MRC2: variants seen among roughly 807,000 people sequenced by gnomAD.
MRC2 encodes C-type mannose receptor 2.
In MRC2, 84 loss-of-function variants were observed where a neutral mutation model predicts 206.2. The ratio of observed to expected loss-of-function variants is 0.41; its 90% CI spans 0.34 to 0.49. MRC2 has a LOEUF of 0.49. Among genes scored for constraint, MRC2 ranks in the 20% least tolerant of loss-of-function variants. The probability of loss-of-function intolerance (pLI) is 0.31; values close to 1 mark genes in which losing one functional copy is unlikely to be tolerated. For synonymous variants in MRC2, 798 were observed against 800.0 expected (o/e 1.00, Z 0.04); for missense variants, 1,676 against 2,001.5 (o/e 0.84, Z 3.10).
At position 62,675,020 on chromosome 17, in the gene MRC2, G is replaced by A. The variant is rs1380830377; in HGVS notation, c.1570-770G>A. Reference sequence around the variant, plus strand: ...TGGCCCCATGGGCGAGGAAGCAGAGGGGAGAGCAGAGCCCAGCTGCGGAGT... The same window carrying A: ...TGGCCCCATGGGCGAGGAAGCAGAGAGGAGAGCAGAGCCCAGCTGCGGAGT... On this transcript the variant is annotated intron_variant, in intron 9 of 29. Coordinates refer to ENST00000303375, the MANE Select transcript of MRC2 (RefSeq NM_006039.5). This position sits in a 1 kb window ranked among gnomAD's most constrained non-coding sequence, Gnocchi z 4.1. Among the ~76,000 whole-genome samples, 2 of 152,194 alleles carry A rather than the reference G, an allele frequency of 1.3e-5. No individual in the cohort carries two copies.
Position 62,689,778 on chromosome 17 carries a change from T to C in MRC2, c.3573+18T>C. The stretch of plus-strand genomic sequence containing the variant: ...GCGAGGAGGTGGGCTCCCGACACTT[T>C]TGCCCTGGGCCCCAGCCTTGCCCGG... On this transcript the variant is annotated intron_variant, in intron 24 of 29. Coordinates refer to ENST00000303375, the MANE Select transcript of MRC2 (RefSeq NM_006039.5). 1 of 1,534,428 alleles carries C rather than the reference T, an allele frequency of 6.5e-7. No homozygotes were observed. Among genetic ancestry groups the C allele is most frequent in the Non-Finnish European group, 8.8e-7 (1 of 1,139,804 alleles).
intron 1 of MRC2, among the ~76,000 whole-genome samples, chr17:62,632,822 A>T (rs1374436073): frequency 6.6e-6 from 1 of 152,178 alleles, no homozygotes; most frequent in Non-Finnish European, 1.5e-5. Flanking sequence ...AGGAGGGCAC[A>T]TGTAGGGAAC....
intron 2 of MRC2, among the ~76,000 whole-genome samples, chr17:62,665,690 T>TG (rs1217512054): frequency 1.3e-5 from 2 of 152,112 alleles, no homozygotes; most frequent in African/African-American, 2.4e-5. Context: ...AGCCCCGTCC[T>TG]GGGGGGGCCT....
rs750111045 is a variant in MRC2, at chr17:62,667,343, T to A, written c.974-47T>A. Reference sequence around the variant, plus strand: ...CTGAGCAGGGCCCCGGGAGCCACGGTGTGAGCTTCTCTCTCCGGGGGTGCT... The same window carrying A: ...CTGAGCAGGGCCCCGGGAGCCACGGAGTGAGCTTCTCTCTCCGGGGGTGCT... On this transcript the variant is annotated intron_variant, in intron 5 of 29. Coordinates refer to ENST00000303375, the MANE Select transcript of MRC2 (RefSeq NM_006039.5). This position sits in a 1 kb window ranked among gnomAD's most constrained non-coding sequence, Gnocchi z 4.1. 6.5e-7 allele frequency: 1 copy of A among 1,542,490 alleles called. No homozygotes were observed. Among genetic ancestry groups the A allele is most frequent in the Non-Finnish European group, 8.7e-7 (1 of 1,145,888 alleles).
rs752481320 is a variant in MRC2 at position 62,680,466 on chromosome 17, CA to C, written c.2473+14del. On this transcript the variant is annotated intron_variant, in intron 16 of 29. Coordinates refer to ENST00000303375, the MANE Select transcript of MRC2 (RefSeq NM_006039.5). This position sits in a 1 kb window ranked among gnomAD's most constrained non-coding sequence, Gnocchi z 4.8. ...GACAGCCCTCAAGGTGAGCACCCCC[CA>C]GCCCATCCCGCTACCCATCGCGTGG... 170 of 1,613,914 alleles carry C rather than the reference CA, an allele frequency of 1.1e-4. No individual in the cohort carries two copies. The Admixed American group carries it at 1.1e-3, about 11-fold the overall frequency.
intron 2 of MRC2, 60 bp downstream of exon 2, chr17:62,665,009 T>C (rs565242736): frequency 2.6e-6 from 4 of 1,518,128 alleles, no homozygotes; most frequent in South Asian, 1.3e-5. Flanking sequence ...ACTGGAGCCA[T>C]GAGGGACAGA....
chr17:62,677,416 C>G lies in MRC2; in HGVS notation c.1982C>G (p.Pro661Arg). 1 of 1,611,876 alleles carries G rather than the reference C, an allele frequency of 6.2e-7. No homozygotes were observed. ...ACGCCGGAGCTGCCGGGGCCAGATC[C>G]CACGCCCAGCCTCACTGGCTCCTGT... ...PVTPELPGPD[P>R]TPSLTGSCPQ... Residue 661 changes from proline (P) to arginine (R), a missense_variant, in exon 12 of 30, where the codon CCC (proline) becomes CGC (arginine). Around this residue, in one of 3 missense-constraint regions of MRC2, gnomAD observed 1,354 missense variants for 1,636.6 expected, o/e 0.83. Coordinates refer to ENST00000303375, the MANE Select transcript of MRC2 (RefSeq NM_006039.5).
chr17:62,633,358 T>C (rs534582156), intron 1 of MRC2, among the ~76,000 whole-genome samples: 4 of 151,618 alleles, frequency 2.6e-5, no homozygotes, highest in Admixed American at 2.6e-4. Flanking sequence ...AAAAATTAGC[T>C]GGGTGTGATG....
In MRC2 at chr17:62,627,729, A is replaced by G. The variant is rs2084179276; in HGVS notation, c.-74A>G. 3 of 1,200,728 alleles carry G rather than the reference A, an allele frequency of 2.5e-6. No individual in the cohort carries two copies. Among genetic ancestry groups the G allele is most frequent in the South Asian group, 4.1e-5 (2 of 48,350 alleles). The allele number at this position is 1,200,728 out of a possible 1,614,324, so 74.4% of individuals were successfully genotyped here. ...CCCTTGCGGGCGGTCATCACAGCCC[A>G]GCCTCGGGGCTGCCACAGCGCGTTG... On this transcript the variant is annotated 5_prime_UTR_variant, in exon 1 of 30. Coordinates refer to ENST00000303375, the MANE Select transcript of MRC2 (RefSeq NM_006039.5).
chr17:62,686,317 G>A (rs967025076), intron 20 of MRC2, among the ~76,000 whole-genome samples: 1 of 152,138 alleles, frequency 6.6e-6, no homozygotes. Context: ...GCCAGGTGTG[G>A]TGGTGGGCGC....
Position 62,666,701 on chromosome 17 carries a change from G to C in MRC2, c.860-56G>C. ...TGTGGGTTGGGGAGAGGGCGATGGG[G>C]AGCGGGGGAGGCTGGGGCTGGGGAT... On this transcript the variant is annotated intron_variant, in intron 4 of 29. Transcript: ENST00000303375. The surrounding 1 kb of genome is among the most constrained non-coding windows in gnomAD (Gnocchi z 5.0). 2 of 1,578,824 alleles carry C rather than the reference G, an allele frequency of 1.3e-6. No homozygotes were observed. Among genetic ancestry groups the C allele is most frequent in the South Asian group, 2.3e-5 (2 of 87,218 alleles).
Position 62,671,749 on chromosome 17 carries a change from C to T in MRC2, c.1218C>T (p.Ser406=). Reference sequence around the variant, plus strand: ...CCGAGAAGCGCAGCTGGCAGGAGTCCAAGAAGGCATGTCTACGGGGCGGTG... The same window carrying T: ...CCGAGAAGCGCAGCTGGCAGGAGTCTAAGAAGGCATGTCTACGGGGCGGTG... ...LQAEKRSWQE[S]KKACLRGGGD... is the part of the protein sequence containing the mutation. Residue 406 remains serine (S), a synonymous_variant, in exon 7 of 30, where the codon TCC becomes TCT. Transcript: ENST00000303375. This position sits in a 1 kb window ranked among gnomAD's most constrained non-coding sequence, Gnocchi z 4.5. 2 of 1,613,390 alleles carry T rather than the reference C, an allele frequency of 1.2e-6. No homozygotes were observed. The highest frequency in any genetic ancestry group is 1.7e-6 in the Non-Finnish European group (2 of 1,179,692).
chr17:62,676,685 C>T, intron 11 of MRC2, 154 bp downstream of exon 11: 2 of 886,914 alleles, frequency 2.3e-6, no homozygotes, highest in Non-Finnish European at 3.3e-6. Flanking sequence ...ACCAAACTGC[C>T]TGGCTCCGAT....
At chr17:62,691,166 C>T (rs1568073828) in intron 28 of MRC2, 38 bp downstream of exon 28, 1 of 1,553,872 alleles carries the variant, frequency 6.4e-7, no homozygotes, top group Non-Finnish European at 8.7e-7. Flanking sequence ...CCTCCTTCCA[C>T]CCCGTGCCGC....
intron 1 of MRC2, among the ~76,000 whole-genome samples, chr17:62,656,505 T>A (rs1295399838): frequency 6.6e-6 from 1 of 152,238 alleles, no homozygotes; most frequent in Non-Finnish European, 1.5e-5. Context: ...GGTTCATTTT[T>A]AATTTCCCTT....
chr17:62,667,613 C>T lies in MRC2; in HGVS notation c.1117+80C>T. On this transcript the variant is annotated intron_variant, in intron 6 of 29. Transcript: ENST00000303375. The surrounding 1 kb of genome is among the most constrained non-coding windows in gnomAD (Gnocchi z 4.1). ...AGCCACAGAGCCGTGGCAGGCCCAG[C>T]CTCTCCTCCGGTTACCACCACAGCA... The T allele has an allele frequency of 1.4e-6, 2 of 1,478,622 alleles. No homozygotes were observed. Among genetic ancestry groups the T allele is most frequent in the African/African-American group, 1.4e-5 (1 of 69,288 alleles). The allele number at this position is 1,478,622 out of a possible 1,614,324, so 91.6% of individuals were successfully genotyped here.
intron 1 of MRC2, among the ~76,000 whole-genome samples, chr17:62,663,509 C>G (rs919846991): frequency 3.9e-5 from 6 of 152,044 alleles, no homozygotes; most frequent in Admixed American, 2.6e-4. Flanking sequence ...CACAGGCAAC[C>G]ATTAATTTGC....
rs1268599052 is a variant in MRC2, at chr17:62,667,014, G to GC, written c.973+150dup. 1.5e-6 allele frequency: 1 copy of GC among 686,038 alleles called. No individual in the cohort carries two copies. The highest frequency in any genetic ancestry group is 2.7e-5 in the East Asian group (1 of 36,634). The allele number at this position is 686,038 out of a possible 1,614,324, so 42.5% of individuals were successfully genotyped here. On this transcript the variant is annotated intron_variant, in intron 5 of 29. Coordinates refer to ENST00000303375, the MANE Select transcript of MRC2 (RefSeq NM_006039.5). This position sits in a 1 kb window ranked among gnomAD's most constrained non-coding sequence, Gnocchi z 4.1. ...ACCTCCACCCCCCTCCCCAGACTGC[G>GC]CCCCCCTAGCCCATGTAGGGCGGCG... is the stretch of plus-strand genomic sequence containing the variant.
intron 11 of MRC2, 131 bp downstream of exon 11, chr17:62,676,662 C>T (rs1198613956): frequency 1.7e-6 from 2 of 1,190,056 alleles, no homozygotes. Context: ...TGTCTATGAG[C>T]ACAAGCTCTG....
Sources: allele counts gnomAD v4.1 joint callset (sites outside exome capture counted in the v4.1 genomes callset), GRCh38; gene constraint gnomAD v4.1.1; regional missense constraint gnomAD v4.1.1; non-coding constraint Gnocchi (gnomAD v3.1); transcripts MANE v1.5; gene names NCBI Gene and HGNC (gene_info 2026-07-23, HGNC 2026-07-21).